TTC23: variants seen among roughly 807,000 people sequenced by gnomAD.
TTC23 encodes the protein tetratricopeptide repeat domain 23, also known as tetratricopeptide repeat protein 23.
Under a neutral mutation model 55.1 loss-of-function variants are expected in TTC23, and 58 were observed. That is an observed-to-expected ratio of 1.05 (90% CI 0.85 to 1.31). TTC23 has a LOEUF of 1.31. Among genes scored for constraint, TTC23 ranks in the 50% most tolerant of loss-of-function variants. TTC23 has a pLI of 0.00. For missense variants in TTC23, 516 were observed against 534.4 expected (o/e 0.97, Z 0.34); for synonymous variants, 203 against 199.9 (o/e 1.02, Z -0.13).
intron 8 of TTC23, among the ~76,000 whole-genome samples, chr15:99,212,115 C>T (rs2077083258): frequency 2.0e-5 from 3 of 152,260 alleles, no homozygotes; most frequent in South Asian, 4.1e-4. Context: ...ACAGTCATGC[C>T]AGGCAAAGTG....
intron 9 of TTC23, among the ~76,000 whole-genome samples, chr15:99,182,856 T>G (rs1434333998): frequency 6.6e-6 from 1 of 152,102 alleles, no homozygotes; most frequent in Non-Finnish European, 1.5e-5. Context: ...ATCTTCCCCT[T>G]TGTGGCACTT....
chr15:99,210,205 A>G (rs2076936434), intron 8 of TTC23, among the ~76,000 whole-genome samples: 1 of 152,148 alleles, frequency 6.6e-6, no homozygotes, highest in African/African-American at 2.4e-5. Flanking sequence ...AGGAAAAGGT[A>G]CATTATAAGG....
upstream of TTC23, chr15:99,249,768 G>C (rs773641648): frequency 3.9e-5 from 6 of 152,122 alleles, no homozygotes; most frequent in Non-Finnish European, 8.8e-5. Flanking sequence ...GTCAAAGAAC[G>C]TGAAATCACC....
intron 12 of TTC23, among the ~76,000 whole-genome samples, chr15:99,142,319 C>T (rs2068327825): frequency 6.6e-6 from 1 of 152,150 alleles, no homozygotes. Context: ...CAGTGAGAGG[C>T]CCCTCTCTCC....
chr15:99,247,484 A>T (rs1597090465), intron 1 of TTC23, among the ~76,000 whole-genome samples: 2 of 152,364 alleles, frequency 1.3e-5, no homozygotes, highest in Middle Eastern at 3.4e-3. Flanking sequence ...ATGTCTGTTA[A>T]TTGGTACTGT....
At chr15:99,153,478 G>A (rs1483570191) in intron 12 of TTC23, among the ~76,000 whole-genome samples, 4 of 152,106 alleles carry the variant, frequency 2.6e-5, no homozygotes, top group African/African-American at 9.7e-5. Context: ...AAAAATACTC[G>A]ATTTATAGGA....
At chr15:99,157,091 G>C (rs976118376) in intron 11 of TTC23, 1 of 151,172 alleles carries the variant, frequency 6.6e-6, no homozygotes, top group African/African-American at 2.4e-5. Context: ...GCTCAGCTGT[G>C]GTGGTGCTAG....
At chr15:99,184,459 G>A (rs1596478015) in intron 9 of TTC23, among the ~76,000 whole-genome samples, 1 of 152,242 alleles carries the variant, frequency 6.6e-6, no homozygotes, top group Non-Finnish European at 1.5e-5. Flanking sequence ...TGACCTGGAT[G>A]TGAGACATGG....
chr15:99,139,842 T>C lies in TTC23; in HGVS notation c.1144-443A>G, dbSNP rs1350629233. 4.1e-6 allele frequency: 4 copies of C among 982,650 alleles called. No individual in the cohort carries two copies. In the East Asian group the frequency reaches 1.8e-4, roughly 44 times the overall value. 60.9% of individuals were successfully genotyped at this position (982,650 alleles called of 1,614,324 possible). ...GTCTATACTCTTGACTACACAGCAA[T>C]GTCTTAGTTATTAGGAACCAAATAT... On this transcript the variant is annotated intron_variant, in intron 12 of 13. Transcript: ENST00000394132.
intron 8 of TTC23, among the ~76,000 whole-genome samples, chr15:99,216,984 G>A (rs566298868): frequency 3.9e-5 from 6 of 152,294 alleles, no homozygotes; most frequent in Admixed American, 1.3e-4. Flanking sequence ...CAAGCTGAAT[G>A]TCTATTGTTA....
At chr15:99,195,808 G>A (rs1215070702) in intron 9 of TTC23, among the ~76,000 whole-genome samples, 1 of 151,602 alleles carries the variant, frequency 6.6e-6, no homozygotes, top group Non-Finnish European at 1.5e-5. Context: ...ATGCATGGTG[G>A]GGGGCAGGGG....
At chr15:99,183,550 C>G (rs2074372037) in intron 9 of TTC23, among the ~76,000 whole-genome samples, 1 of 144,868 alleles carries the variant, frequency 6.9e-6, no homozygotes, top group African/African-American at 2.6e-5. Context: ...CTGCGTTAGC[C>G]AGATGGTCTC....
intron 9 of TTC23, among the ~76,000 whole-genome samples, chr15:99,182,256 A>T (rs1009607531): frequency 3.1e-3 from 449 of 146,772 alleles, no homozygotes; most frequent in Non-Finnish European, 5.3e-3. Context: ...TCTCACACAC[A>T]CACACACACA....
intron 12 of TTC23, among the ~76,000 whole-genome samples, chr15:99,147,148 G>A (rs1352452339): frequency 6.7e-6 from 1 of 150,050 alleles, no homozygotes; most frequent in African/African-American, 2.5e-5. Flanking sequence ...CTCTTGACAG[G>A]TGGTCCACCC....
chr15:99,200,324 G>A (rs561476732), intron 8 of TTC23, among the ~76,000 whole-genome samples: 1 of 152,114 alleles, frequency 6.6e-6, no homozygotes, highest in African/African-American at 2.4e-5. Context: ...CTAGATGTAC[G>A]ATCTTCCAGT....
Position 99,215,699 on chromosome 15 carries a change from ACCCCACCACT to A in TTC23, c.581+2879_581+2888del, listed in dbSNP as rs1216947982. 4.6e-4 allele frequency among the ~76,000 whole-genome samples: 70 copies of A among 152,228 alleles called. No homozygotes were observed. The East Asian group carries it at 4.8e-3, about 10-fold the overall frequency. ...GAGGTTGAAGCTGCTGTGAACCATG[ACCCCACCACT>A]GTACTCCAGTCTGGGCAACAGAGTG... On this transcript the variant is annotated intron_variant, in intron 8 of 13. Coordinates refer to ENST00000394132, the MANE Select transcript of TTC23 (RefSeq NM_001288615.3).
intron 9 of TTC23, among the ~76,000 whole-genome samples, chr15:99,195,991 T>G (rs1282211810): frequency 6.6e-6 from 1 of 151,656 alleles, no homozygotes; most frequent in Non-Finnish European, 1.5e-5. Context: ...CTGTCTCTAC[T>G]AAAAATACAA....
chr15:99,192,738 C>T (rs575819077), intron 9 of TTC23, among the ~76,000 whole-genome samples: 10 of 152,164 alleles, frequency 6.6e-5, no homozygotes, highest in African/African-American at 9.7e-5. Context: ...CCTAGTGGAG[C>T]TGTGAGAAGA....
chr15:99,218,785 C>T (rs2077671970), intron 7 of TTC23, 72 bp from the exon 8 acceptor site: 1 of 1,604,208 alleles, frequency 6.2e-7, no homozygotes, highest in African/African-American at 1.3e-5. Context: ...TCCTTGGCTC[C>T]CATACTTCCA....
Sources: allele counts gnomAD v4.1 joint callset (sites outside exome capture counted in the v4.1 genomes callset), GRCh38; gene constraint gnomAD v4.1.1; transcripts MANE v1.5; gene names NCBI Gene and HGNC (gene_info 2026-07-23, HGNC 2026-07-21).